Variants in STEAP4 observed in about 807,000 individuals in gnomAD.
The protein encoded by STEAP4 is STEAP4 metalloreductase, also known as metalloreductase STEAP4.
STEAP4 carries 36 observed loss-of-function variants against 43.6 expected under a neutral mutation model. That is an observed-to-expected ratio of 0.83 (90% CI 0.63 to 1.09). The LOEUF (loss-of-function observed/expected upper bound fraction) is 1.09, where lower values mean the gene tolerates loss of function less well. Among genes scored for constraint, STEAP4 ranks in the 50% least tolerant of loss-of-function variants. The pLI is 0.00. For missense variants in STEAP4, 495 were observed against 546.5 expected (o/e 0.91, Z 0.94); for synonymous variants, 191 against 196.7 (o/e 0.97, Z 0.24).
Position 88,277,426 on chromosome 7 carries a change from AG to A in STEAP4, c.*1971del, listed in dbSNP as rs1852530464. 6.6e-6 allele frequency: 1 copy of A among 152,244 alleles called. No individual in the cohort carries two copies. Among genetic ancestry groups the A allele is most frequent in the Non-Finnish European group, 1.5e-5 (1 of 68,036 alleles). 9.4% of individuals were successfully genotyped at this position (152,244 alleles called of 1,614,324 possible). The stretch of plus-strand genomic sequence containing the variant: ...GTAATTAAATTGATAAGGTCACTTT[AG>A]AAATGGCTTGGCAACATTATCAGTG... On this transcript the variant is annotated 3_prime_UTR_variant, in exon 5 of 5. Coordinates refer to ENST00000380079, the MANE Select transcript of STEAP4 (RefSeq NM_024636.4).
intron 1 of STEAP4, among the ~76,000 whole-genome samples, chr7:88,299,441 A>G (rs1254535019): frequency 2.0e-5 from 3 of 152,180 alleles, no homozygotes; most frequent in Non-Finnish European, 4.4e-5. Flanking sequence ...TAAATCCTGA[A>G]CAACTTCTTA....
chr7:88,302,891 T>C (rs1853060674), intron 1 of STEAP4, among the ~76,000 whole-genome samples: 1 of 146,796 alleles, frequency 6.8e-6, no homozygotes, highest in East Asian at 2.0e-4. Context: ...GAGATGGAGG[T>C]TGCAGTGAGC....
At position 88,271,965 on chromosome 7, in the gene STEAP4, T is replaced by C. The variant is rs181639591; in HGVS notation, c.*7433A>G. The C allele has an allele frequency of 1.1e-4, 16 of 152,368 alleles. No homozygotes were observed. The East Asian group carries it at 2.9e-3, about 28-fold the overall frequency. The allele number at this position is 152,368 out of a possible 1,614,324, so 9.4% of individuals were successfully genotyped here. On this transcript the variant is annotated 3_prime_UTR_variant, in exon 5 of 5. Coordinates refer to ENST00000380079, the MANE Select transcript of STEAP4 (RefSeq NM_024636.4). ...ATATGTTGCAGAGCCTTGTTTCTCC[T>C]GTGAACTTTGTTCATACTCTTTGTA...
chr7:88,279,144 A>G lies in STEAP4; in HGVS notation c.*254T>C. Reference sequence around the variant, plus strand: ...AAACCACAAGGCTAGTCTCAATCTCAGCTCCATGGCCTCTGGGAAAATAAG... The same window carrying G: ...AAACCACAAGGCTAGTCTCAATCTCGGCTCCATGGCCTCTGGGAAAATAAG... On this transcript the variant is annotated 3_prime_UTR_variant, in exon 5 of 5. Transcript: ENST00000380079. The G allele has an allele frequency of 2.1e-6, 1 of 476,732 alleles. No individual in the cohort carries two copies. Among genetic ancestry groups the G allele is most frequent in the Non-Finnish European group, 3.8e-6 (1 of 262,840 alleles). 29.5% of individuals were successfully genotyped at this position (476,732 alleles called of 1,614,324 possible).
At chr7:88,282,581 A>G in intron 3 of STEAP4, 60 bp downstream of exon 3, 9 of 1,424,510 alleles carry the variant, frequency 6.3e-6, no homozygotes, top group South Asian at 1.3e-5. Flanking sequence ...GAAATGGAAT[A>G]TGATGTAGCA....
chr7:88,276,744 G>A lies in STEAP4; in HGVS notation c.*2654C>T, dbSNP rs1852518632. 6.5e-6 allele frequency: 1 copy of A among 152,866 alleles called. No individual in the cohort carries two copies. Among genetic ancestry groups the A allele is most frequent in the Non-Finnish European group, 1.5e-5 (1 of 68,054 alleles). 9.5% of individuals were successfully genotyped at this position (152,866 alleles called of 1,614,324 possible). On this transcript the variant is annotated 3_prime_UTR_variant, in exon 5 of 5. Transcript: ENST00000380079. ...ATAGTTTTGGGAGCAGGGAGGTTGT[G>A]GGAAGGACAGAAGGAGAACTTGGGC...
rs918838612 is a variant in STEAP4 at position 88,286,073 on chromosome 7, G to A, written c.-2-1802C>T. Among the ~76,000 whole-genome samples the A allele has an allele frequency of 5.9e-5, 9 of 152,156 alleles. 1 individual carries two copies. Among genetic ancestry groups the A allele is most frequent in the Non-Finnish European group, 1.0e-4 (7 of 68,042 alleles). ...CAGAAACTTGCATTCAAGAGCACCTGTCAAAGTTTTATAGCTGATTATAAA... is the reference window on the plus strand; with the variant it reads ...CAGAAACTTGCATTCAAGAGCACCTATCAAAGTTTTATAGCTGATTATAAA... On this transcript the variant is annotated intron_variant, in intron 1 of 4. Transcript: ENST00000380079.
chr7:88,293,296 A>T (rs1342879442), intron 1 of STEAP4, among the ~76,000 whole-genome samples: 5 of 151,832 alleles, frequency 3.3e-5, no homozygotes, highest in Non-Finnish European at 7.4e-5. Context: ...TTATTTTCTA[A>T]TTGGACTGTT....
chr7:88,305,174 C>T lies in STEAP4; in HGVS notation c.-3+1618G>A, dbSNP rs147753813. Among the ~76,000 whole-genome samples, 38 of 152,276 alleles carry T rather than the reference C, an allele frequency of 2.5e-4. No individual in the cohort carries two copies. In the South Asian group the frequency reaches 3.1e-3, roughly 12 times the overall value. On this transcript the variant is annotated intron_variant, in intron 1 of 4. Transcript: ENST00000380079. ...ATGTGAACTTCAACAATGTGAACAACGTGAACCTCAGTGGAACTGTAAACG... is the reference window on the plus strand; with the variant it reads ...ATGTGAACTTCAACAATGTGAACAATGTGAACCTCAGTGGAACTGTAAACG...
In STEAP4 at chr7:88,274,392, T is replaced by C. The variant is rs1852480670; in HGVS notation, c.*5006A>G. On this transcript the variant is annotated 3_prime_UTR_variant, in exon 5 of 5. Transcript: ENST00000380079. The stretch of plus-strand genomic sequence containing the variant: ...CTGGGTAATGGCAAGAGCACTGTCT[T>C]GCTCTTCCACACTCCCCTTTTCTCA... 6.6e-6 allele frequency: 1 copy of C among 152,216 alleles called. No homozygotes were observed. The highest frequency in any genetic ancestry group is 2.1e-4 in the South Asian group (1 of 4,830). The allele number at this position is 152,216 out of a possible 1,614,324, so 9.4% of individuals were successfully genotyped here. A position where few individuals can be genotyped will look rare whatever the true frequency, so the allele number is the denominator to read the frequency against.
intron 1 of STEAP4, among the ~76,000 whole-genome samples, chr7:88,288,123 C>A (rs138417369): frequency 0.013 from 1,934 of 152,216 alleles, 47 homozygotes; most frequent in African/African-American, 0.043. Context: ...TAAATTTATA[C>A]CTTATACTCC....
In STEAP4 at chr7:88,278,081, T is replaced by C. The variant is rs1852544520; in HGVS notation, c.*1317A>G. 6.6e-6 allele frequency: 1 copy of C among 151,668 alleles called. No individual in the cohort carries two copies. Among genetic ancestry groups the C allele is most frequent in the Non-Finnish European group, 1.5e-5 (1 of 67,942 alleles). 9.4% of individuals were successfully genotyped at this position (151,668 alleles called of 1,614,324 possible). On this transcript the variant is annotated 3_prime_UTR_variant, in exon 5 of 5. Coordinates refer to ENST00000380079, the MANE Select transcript of STEAP4 (RefSeq NM_024636.4). ...TGAAAGTAAAAAAAAAAAAAGGTCT[T>C]AGCAGAGCAGGCAGAAAAATGCCAA...
chr7:88,294,186 A>G (rs548916835), intron 1 of STEAP4, among the ~76,000 whole-genome samples: 1 of 152,248 alleles, frequency 6.6e-6, no homozygotes, highest in African/African-American at 2.4e-5. Flanking sequence ...CAGACATGAT[A>G]CCACCATTGG....
intron 1 of STEAP4, among the ~76,000 whole-genome samples, chr7:88,295,133 G>A (rs533313240): frequency 6.6e-6 from 1 of 152,238 alleles, no homozygotes; most frequent in Admixed American, 6.5e-5. Flanking sequence ...TAGTAACAGA[G>A]AATAGTATGC....
chr7:88,304,101 C>T (rs749129171), intron 1 of STEAP4: 11 of 151,996 alleles, frequency 7.2e-5, no homozygotes, highest in African/African-American at 1.9e-4. Context: ...AACCAAACAC[C>T]GCATATTCTC....
At chr7:88,287,694 G>C (rs1268660843) in intron 1 of STEAP4, among the ~76,000 whole-genome samples, 1 of 152,154 alleles carries the variant, frequency 6.6e-6, no homozygotes, top group Non-Finnish European at 1.5e-5. Context: ...CCAGTGCAGG[G>C]TCTGCAAAAT....
intron 1 of STEAP4, among the ~76,000 whole-genome samples, chr7:88,300,427 G>T (rs542407406): frequency 6.6e-6 from 1 of 151,952 alleles, no homozygotes; most frequent in Non-Finnish European, 1.5e-5. Context: ...TGGCCAGGCT[G>T]GTTTCAAACT....
At chr7:88,290,561 T>A (rs1051803949) in intron 1 of STEAP4, 1 of 152,220 alleles carries the variant, frequency 6.6e-6, no homozygotes, top group Non-Finnish European at 1.5e-5. Flanking sequence ...TAAAATTCTC[T>A]AGTATCTAAA....
Position 88,284,075 on chromosome 7 carries a change from CAA to C in STEAP4, c.193_194del (p.Leu65GlufsTer22). 6.2e-7 allele frequency: 1 copy of C among 1,614,038 alleles called. No homozygotes were observed. The highest frequency in any genetic ancestry group is 8.5e-7 in the Non-Finnish European group (1 of 1,180,008). ...ACTTCTTGGCTGCTTCTGAATAGCT[CAA>C]GACTTCTGCACCACTGGGCAGTAGG... Reference protein sequence around the residue: ...TTLLPSGAEVLSYSEAAKKSG... With the variant: ...TTLLPSGAEVXSYSEAAKKSG... On this transcript the variant is annotated frameshift_variant, in exon 2 of 5. Coordinates refer to ENST00000380079, the MANE Select transcript of STEAP4 (RefSeq NM_024636.4). LOFTEE classifies it high-confidence loss of function.
Sources: allele counts gnomAD v4.1 joint callset (sites outside exome capture counted in the v4.1 genomes callset), GRCh38; gene constraint gnomAD v4.1.1; transcripts MANE v1.5; gene names NCBI Gene and HGNC (gene_info 2026-07-23, HGNC 2026-07-21).